Variants in RGS17 observed in about 807,000 individuals in gnomAD.
RGS17 encodes regulator of G-protein signaling 17.
A neutral mutation model predicts 25.5 loss-of-function variants in RGS17; 12 were observed. That is an observed-to-expected ratio of 0.47 (90% CI 0.30 to 0.76). RGS17 has a LOEUF of 0.76. Among genes scored for constraint, RGS17 ranks in the 30% least tolerant of loss-of-function variants. The pLI is 0.07. For missense variants in RGS17, 196 were observed against 242.2 expected, an observed-to-expected ratio of 0.81 and a Z score of 1.27; for synonymous variants, 71 against 76.9, an observed-to-expected ratio of 0.92 and a Z score of 0.40.
intron 3 of RGS17, among the ~76,000 whole-genome samples, chr6:153,025,821 T>C (rs112341200): frequency 1.2e-4 from 18 of 151,714 alleles, no homozygotes; most frequent in Admixed American, 2.0e-4. Context: ...GTATTTCAAA[T>C]AGATTGTTAC....
intron 2 of RGS17, among the ~76,000 whole-genome samples, chr6:153,040,746 T>C (rs1432422969): frequency 6.6e-6 from 1 of 152,170 alleles, no homozygotes. Flanking sequence ...ACTTGAAGTA[T>C]AAAAATAATA....
intron 1 of RGS17, among the ~76,000 whole-genome samples, chr6:153,111,595 G>A (rs572052741): frequency 5.3e-5 from 8 of 152,360 alleles, no homozygotes; most frequent in African/African-American, 1.9e-4. Flanking sequence ...GCTCTGCTAA[G>A]GGACCGACTG....
chr6:153,054,713 C>T (rs1776530426), intron 1 of RGS17, among the ~76,000 whole-genome samples: 1 of 147,818 alleles, frequency 6.8e-6, no homozygotes, highest in African/African-American at 2.5e-5. Flanking sequence ...ATGACTTTCA[C>T]TCTCTTCTAT....
chr6:153,117,481 G>A (rs982541738), intron 1 of RGS17, among the ~76,000 whole-genome samples: 6 of 152,160 alleles, frequency 3.9e-5, no homozygotes, highest in African/African-American at 1.4e-4. Flanking sequence ...AATATGAGAG[G>A]AAAAGGGGTT....
chr6:153,028,450 G>A (rs1779327092), intron 2 of RGS17, among the ~76,000 whole-genome samples: 1 of 152,180 alleles, frequency 6.6e-6, no homozygotes, highest in African/African-American at 2.4e-5. Context: ...TGCTGTGAAT[G>A]TGTCTGAGGT....
intron 4 of RGS17, chr6:153,023,328 G>A (rs1363893923): frequency 4.0e-6 from 2 of 503,382 alleles, no homozygotes; most frequent in Non-Finnish European, 7.9e-6. Context: ...AATCACAGTT[G>A]TTTAGGAGAA....
At chr6:153,113,543 T>A (rs1167640933) in intron 1 of RGS17, among the ~76,000 whole-genome samples, 1 of 152,174 alleles carries the variant, frequency 6.6e-6, no homozygotes, top group African/African-American at 2.4e-5. Flanking sequence ...TTAACAAGGA[T>A]ATTCAGGACT....
intron 1 of RGS17, among the ~76,000 whole-genome samples, chr6:153,062,507 T>C (rs1020684922): frequency 6.6e-6 from 1 of 152,154 alleles, no homozygotes; most frequent in African/African-American, 2.4e-5. Context: ...ACCTTGCCAC[T>C]GTGGGCTAAA....
At chr6:153,057,575 GGAAGACAATT>G (rs1481957978) in intron 1 of RGS17, among the ~76,000 whole-genome samples, 4 of 152,132 alleles carry the variant, frequency 2.6e-5, no homozygotes, top group Non-Finnish European at 4.4e-5. Flanking sequence ...CCAGTTTCAT[GGAAGACAATT>G]TTTCCACGGA....
chr6:153,056,163 G>T (rs1379474929), intron 1 of RGS17, among the ~76,000 whole-genome samples: 1 of 152,128 alleles, frequency 6.6e-6, no homozygotes, highest in African/African-American at 2.4e-5. Context: ...CTCTGGGCTG[G>T]TTAAACAGTT....
intron 4 of RGS17, among the ~76,000 whole-genome samples, chr6:153,023,810 A>AC (rs1779270730): frequency 6.6e-6 from 1 of 152,186 alleles, no homozygotes; most frequent in South Asian, 2.1e-4. Context: ...AAACTTGTTA[A>AC]AAGTGCAGAT....
At chr6:153,056,650 T>A (rs899152110) in intron 1 of RGS17, among the ~76,000 whole-genome samples, 2 of 152,196 alleles carry the variant, frequency 1.3e-5, no homozygotes, top group African/African-American at 4.8e-5. Context: ...ATTCCTGAAA[T>A]GGGCTGCCTA....
At chr6:153,077,878 T>C (rs1255674218) in intron 1 of RGS17, among the ~76,000 whole-genome samples, 1 of 100,906 alleles carries the variant, frequency 9.9e-6, no homozygotes, top group Non-Finnish European at 2.2e-5. Context: ...GTATCTTTTT[T>C]ATTTTTTTTT....
At chr6:153,054,375 G>A (rs1776522783) in intron 1 of RGS17, among the ~76,000 whole-genome samples, 1 of 151,690 alleles carries the variant, frequency 6.6e-6, no homozygotes, top group African/African-American at 2.4e-5. Context: ...CCGAGGCAGG[G>A]CATGGTGGCT....
rs62744760 is a variant in RGS17 at position 153,008,341 on chromosome 6, A to C, written c.*3233T>G. ...TATTTTAAGATTTCAAAAAAAAAAA[A>C]CATCACATTATGGTCTTGACTTCTG... On this transcript the variant is annotated 3_prime_UTR_variant, in exon 5 of 5. Transcript: ENST00000206262. 9 of 148,132 alleles carry C rather than the reference A, an allele frequency of 6.1e-5. No homozygotes were observed. The highest frequency in any genetic ancestry group is 1.2e-4 in the African/African-American group (5 of 40,034). The allele number at this position is 148,132 out of a possible 1,614,324, so 9.2% of individuals were successfully genotyped here.
At chr6:153,070,967 G>A (rs1324826375) in intron 1 of RGS17, among the ~76,000 whole-genome samples, 5 of 148,314 alleles carry the variant, frequency 3.4e-5, no homozygotes, top group Admixed American at 6.9e-5. Context: ...GTATATACAC[G>A]TGTATATGTA....
chr6:153,038,043 C>G (rs760598660), intron 2 of RGS17, among the ~76,000 whole-genome samples: 3 of 152,110 alleles, frequency 2.0e-5, no homozygotes, highest in African/African-American at 7.2e-5. Flanking sequence ...TACATCCTGG[C>G]CCATCCAGAC....
At chr6:153,116,681 C>T (rs1283664206) in intron 1 of RGS17, among the ~76,000 whole-genome samples, 1 of 152,124 alleles carries the variant, frequency 6.6e-6, no homozygotes, top group East Asian at 1.9e-4. Context: ...ACCCAAAGGC[C>T]CATGAATGAC....
intron 4 of RGS17, among the ~76,000 whole-genome samples, chr6:153,019,180 G>C (rs546279935): frequency 6.6e-6 from 1 of 152,282 alleles, no homozygotes; most frequent in South Asian, 2.1e-4. Flanking sequence ...AGGTTCCAGC[G>C]CACTAAAGCG....
Sources: gnomAD v4.1 joint callset for allele counts (sites outside exome capture counted in the v4.1 genomes callset) on GRCh38, gnomAD v4.1.1 for gene constraint, MANE v1.5 for transcripts, NCBI Gene and HGNC (gene_info 2026-07-23, HGNC 2026-07-21) for gene names.